Variants in MYOM2 observed in about 807,000 individuals in gnomAD.
MYOM2 encodes the protein myomesin-2.
Under a neutral mutation model 187.6 loss-of-function variants are expected in MYOM2, and 254 were observed. The ratio of observed to expected loss-of-function variants is 1.35; its 90% CI spans 1.22 to 1.50. The LOEUF (loss-of-function observed/expected upper bound fraction) is 1.50. MYOM2 is among the 40% of genes most tolerant of loss of function. The probability of loss-of-function intolerance (pLI) is 0.00; values close to 1 mark genes in which losing one functional copy is unlikely to be tolerated. For synonymous variants in MYOM2, 981 were observed against 753.8 expected, an observed-to-expected ratio of 1.30 and a Z score of -4.94; for missense variants, 2,796 against 1,924.0, an observed-to-expected ratio of 1.45 and a Z score of -8.48.
Position 2,102,291 on chromosome 8 carries a change from C to G in MYOM2, c.2620-376C>G, listed in dbSNP as rs181100127. 45 of 175,972 alleles carry G rather than the reference C, an allele frequency of 2.6e-4. 1 individual carries two copies. The highest frequency in any genetic ancestry group is 1.0e-3 in the African/African-American group (44 of 42,442). 10.9% of individuals were successfully genotyped at this position (175,972 alleles called of 1,614,324 possible). A position where few individuals can be genotyped will look rare whatever the true frequency, so the allele number is the denominator to read the frequency against. On this transcript the variant is annotated intron_variant, in intron 20 of 36. Transcript: ENST00000262113. ...TGTACAAGTAGAGATGGATTTAATT[C>G]TGATGCCCCAATGATGACTTTACAC...
At chr8:2,080,705 G>A (rs549927350) in intron 13 of MYOM2, among the ~76,000 whole-genome samples, 6 of 152,296 alleles carry the variant, frequency 3.9e-5, no homozygotes, top group East Asian at 1.9e-4. Flanking sequence ...CCCATTTTTC[G>A]GATGATTAAA....
In MYOM2 at chr8:2,085,422, G is replaced by A. The variant is rs755612830; in HGVS notation, c.1644+32G>A. On this transcript the variant is annotated intron_variant, in intron 14 of 36. Coordinates refer to ENST00000262113, the MANE Select transcript of MYOM2 (RefSeq NM_003970.4). ...TCCGGGCCCGTGTCCTGGAAAAGTA[G>A]ATCTCTGCATGGCCCCCCACTGTCA... The A allele has an allele frequency of 3.6e-5, 58 of 1,609,070 alleles. 1 individual carries two copies. In the South Asian group the frequency reaches 6.0e-4, roughly 17 times the overall value.
chr8:2,135,708 A>G (rs1021135006), intron 32 of MYOM2, among the ~76,000 whole-genome samples: 4 of 152,234 alleles, frequency 2.6e-5, no homozygotes, highest in African/African-American at 9.6e-5. Context: ...AATACGAAGA[A>G]GAGGTTTTGT....
At chr8:2,109,792 T>C (rs1797009989) in intron 25 of MYOM2, among the ~76,000 whole-genome samples, 1 of 152,176 alleles carries the variant, frequency 6.6e-6, no homozygotes, top group Non-Finnish European at 1.5e-5. Flanking sequence ...TTGTTTTTTG[T>C]GAAAAGGTTT....
chr8:2,087,284 A>C (rs1429558020), intron 14 of MYOM2, among the ~76,000 whole-genome samples: 1 of 152,192 alleles, frequency 6.6e-6, no homozygotes, highest in Non-Finnish European at 1.5e-5. Context: ...TATGCCACCT[A>C]ATACAATAAT....
In MYOM2 at chr8:2,092,460, G is replaced by A. The variant is rs62478384; in HGVS notation, c.1943G>A (p.Cys648Tyr). 9,695 of 1,614,148 alleles carry A rather than the reference G, an allele frequency of 6.0e-3. 51 individuals are homozygous for A. Among genetic ancestry groups the A allele is most frequent in the Non-Finnish European group, 7.2e-3 (8,539 of 1,180,008 alleles). ...EEDLLGYYVD[C>Y]CVAGTNLWEP... is the part of the protein sequence containing the mutation. ...GACCTGCTGGGCTACTACGTGGACT[G>A]CTGTGTGGCCGGAACCAACCTCTGG... The change falls in exon 16 of 37, where the codon TGC (cysteine) becomes TAC (tyrosine). Residue 648 changes from cysteine (C) to tyrosine (Y), a missense_variant. By Grantham distance (194) the Cys-to-Tyr change is radical. Transcript: ENST00000262113.
chr8:2,103,579 G>A (rs1374063347), intron 21 of MYOM2, among the ~76,000 whole-genome samples: 2 of 150,904 alleles, frequency 1.3e-5, no homozygotes, highest in Non-Finnish European at 3.0e-5. Flanking sequence ...GGGAGAGTGT[G>A]CATGTATTAT....
In MYOM2 at chr8:2,076,135, C is replaced by T. The variant is rs759213122; in HGVS notation, c.1121-6C>T. ...AGGCGTGTGCCTTTTCTCTCCCTGC[C>T]CCAAGATGCTGACCCGCTGGTCACA... On this transcript the variant is annotated splice_region_variant and splice_polypyrimidine_tract_variant and intron_variant, in intron 10 of 36. Transcript: ENST00000262113. The T allele has an allele frequency of 9.3e-6, 15 of 1,610,152 alleles. No homozygotes were observed. The highest frequency in any genetic ancestry group is 1.3e-5 in the African/African-American group (1 of 74,826).
intron 32 of MYOM2, among the ~76,000 whole-genome samples, chr8:2,134,361 C>T (rs35920006): frequency 4.6e-5 from 7 of 152,116 alleles, no homozygotes; most frequent in South Asian, 2.1e-4. Flanking sequence ...TTGGTGACTC[C>T]GTTTTAGCTG....
intron 25 of MYOM2, among the ~76,000 whole-genome samples, chr8:2,110,095 G>T (rs575226047): frequency 4.6e-5 from 7 of 152,262 alleles, no homozygotes; most frequent in African/African-American, 1.2e-4. Flanking sequence ...GGCCGAGATG[G>T]GGGCATTGCT....
chr8:2,138,752 G>C (rs1798169469), intron 32 of MYOM2, among the ~76,000 whole-genome samples: 1 of 140,624 alleles, frequency 7.1e-6, no homozygotes, highest in South Asian at 2.2e-4. Flanking sequence ...ATGTCTTCTT[G>C]GATTCTAAAA....
intron 1 of MYOM2, among the ~76,000 whole-genome samples, chr8:2,047,224 C>T (rs1049822604): frequency 6.6e-6 from 1 of 152,096 alleles, no homozygotes; most frequent in Non-Finnish European, 1.5e-5. Flanking sequence ...CTGCAGGCAC[C>T]CAGCACGTGC....
At chr8:2,059,293 T>G (rs538579762) in intron 6 of MYOM2, 48 bp downstream of exon 6, 1 of 1,549,002 alleles carries the variant, frequency 6.5e-7, no homozygotes, top group Non-Finnish European at 8.9e-7. Context: ...GTAATCAGCA[T>G]TGCAGACCCC....
At chr8:2,080,185 A>T (rs1030488702) in intron 13 of MYOM2, among the ~76,000 whole-genome samples, 1 of 152,208 alleles carries the variant, frequency 6.6e-6, no homozygotes, top group African/African-American at 2.4e-5. Context: ...AAAGGTTTTA[A>T]CTGGACTTAG....
chr8:2,045,846 G>A (rs1474151275), intron 1 of MYOM2, among the ~76,000 whole-genome samples: 1 of 152,248 alleles, frequency 6.6e-6, no homozygotes, highest in Non-Finnish European at 1.5e-5. Flanking sequence ...AGACAGTGGG[G>A]CTGGGTGGTT....
In MYOM2 at chr8:2,052,185, G is replaced by A; in HGVS notation, c.135G>A (p.Gln45=). 6.2e-7 allele frequency: 1 copy of A among 1,613,572 alleles called. No homozygotes were observed. Among genetic ancestry groups the A allele is most frequent in the Non-Finnish European group, 8.5e-7 (1 of 1,179,810 alleles). The change falls in exon 3 of 37, where the codon CAG becomes CAA. Residue 45 remains glutamine (Q), a synonymous_variant. Transcript: ENST00000262113. ...KKRASTQASS[Q]KSLSQRSSSQ... ...GAGCTTCCACCCAGGCATCTTCCCA[G>A]AAGTCCTTGAGTCAGCGGTCGTCTT...
intron 28 of MYOM2, among the ~76,000 whole-genome samples, chr8:2,122,104 G>A (rs1168331470): frequency 1.3e-5 from 2 of 152,214 alleles, no homozygotes; most frequent in Non-Finnish European, 2.9e-5. Context: ...TTGAAGAAGA[G>A]ATGAAGAGAA....
At chr8:2,116,952 A>T (rs957166084) in intron 27 of MYOM2, among the ~76,000 whole-genome samples, 14 of 130,054 alleles carry the variant, frequency 1.1e-4, no homozygotes, top group Admixed American at 4.0e-4. Flanking sequence ...GTAGAGACGG[A>T]CGGGGTTTCA....
At chr8:2,118,519 T>A (rs1797321185) in intron 28 of MYOM2, among the ~76,000 whole-genome samples, 1 of 152,064 alleles carries the variant, frequency 6.6e-6, no homozygotes, top group East Asian at 1.9e-4. Flanking sequence ...GTCTACTGGA[T>A]AAGAGAGAAA....
Sources: gnomAD v4.1 joint callset for allele counts (sites outside exome capture counted in the v4.1 genomes callset) on GRCh38, gnomAD v4.1.1 for gene constraint, MANE v1.5 for transcripts, NCBI Gene and HGNC (gene_info 2026-07-23, HGNC 2026-07-21) for gene names.